ADAMTS17: variants seen among roughly 807,000 people sequenced by gnomAD.
ADAMTS17 encodes A disintegrin and metalloproteinase with thrombospondin motifs 17.
Under a neutral mutation model 141.5 loss-of-function variants are expected in ADAMTS17, and 113 were observed. The observed-to-expected ratio is 0.80, with a 90% CI of 0.69 to 0.93. The LOEUF is 0.93. ADAMTS17 is among the 40% of genes least tolerant of loss of function. The probability of loss-of-function intolerance (pLI) is 0.00; values close to 1 mark genes in which losing one functional copy is unlikely to be tolerated. For missense variants in ADAMTS17, 1,659 were observed against 1,517.9 expected, an observed-to-expected ratio of 1.09 and a Z score of -1.54; for synonymous variants, 768 against 630.6, an observed-to-expected ratio of 1.22 and a Z score of -3.27.
rs2039633342 is a variant in ADAMTS17 at position 100,160,340 on chromosome 15, T to C, written c.1182-5020A>G. ...CGTGCACTTGGACAAGCTGCTCCCA[T>C]TCTCCCTGGCTGGGATCTCCTGGGC... On this transcript the variant is annotated intron_variant, in intron 8 of 21. Coordinates refer to ENST00000268070, the MANE Select transcript of ADAMTS17 (RefSeq NM_139057.4). Among the ~76,000 whole-genome samples the C allele has an allele frequency of 2.0e-5, 3 of 152,192 alleles. 1 individual carries two copies. In the South Asian group the frequency reaches 6.2e-4, roughly 32 times the overall value.
At chr15:100,039,900 T>G (rs989771474) in intron 18 of ADAMTS17, among the ~76,000 whole-genome samples, 1 of 152,216 alleles carries the variant, frequency 6.6e-6, no homozygotes, top group Non-Finnish European at 1.5e-5. Context: ...GGGTCTCATA[T>G]GTTTATAATT....
chr15:100,131,185 G>T (rs909626827), intron 12 of ADAMTS17, among the ~76,000 whole-genome samples: 2 of 151,748 alleles, frequency 1.3e-5, no homozygotes, highest in Non-Finnish European at 2.9e-5. Flanking sequence ...CAGGGACACA[G>T]AGAGGGAAAC....
At position 100,132,066 on chromosome 15, in the gene ADAMTS17, C is replaced by T. The variant is rs372788885; in HGVS notation, c.1662G>A (p.Met554Ile). The stretch of plus-strand genomic sequence containing the variant: ...CTCCCGTCCCACATGTTCGGCTGCA[C>T]ATGCTCCAGGCGCCCCACGGGCTCC... Reference protein sequence around the residue: ...GDWSPWGAWSMCSRTCGTGAR... With the variant: ...GDWSPWGAWSICSRTCGTGAR... The change falls in exon 12 of 22, where the codon ATG (methionine) becomes ATA (isoleucine). Residue 554 changes from methionine (M) to isoleucine (I), a missense_variant. Transcript: ENST00000268070. 5 of 1,613,608 alleles carry T rather than the reference C, an allele frequency of 3.1e-6. No homozygotes were observed. The highest frequency in any genetic ancestry group is 4.2e-6 in the Non-Finnish European group (5 of 1,179,620).
intron 6 of ADAMTS17, among the ~76,000 whole-genome samples, chr15:100,256,012 G>C (rs904014143): frequency 6.6e-6 from 1 of 152,208 alleles, no homozygotes; most frequent in Non-Finnish European, 1.5e-5. Context: ...TCTGAATCTC[G>C]ATCCTTCCTG....
At chr15:100,232,433 C>T (rs2141852601) in intron 7 of ADAMTS17, among the ~76,000 whole-genome samples, 1 of 152,376 alleles carries the variant, frequency 6.6e-6, no homozygotes, top group South Asian at 2.1e-4. Flanking sequence ...TAGTGCCAGA[C>T]ATGGAATGAA....
chr15:100,154,943 G>C (rs1030572148), intron 9 of ADAMTS17, among the ~76,000 whole-genome samples: 2 of 152,238 alleles, frequency 1.3e-5, no homozygotes, highest in African/African-American at 4.8e-5. Flanking sequence ...GTTGACATTT[G>C]AGTCGATCGG....
intron 18 of ADAMTS17, among the ~76,000 whole-genome samples, chr15:100,037,417 TTTCTTCTTTTTG>T (rs543877008): frequency 0.044 from 6,609 of 151,336 alleles, 284 homozygotes; most frequent in African/African-American, 0.11. Context: ...TTTTTTTTTT[TTTCTTCTTTTTG>T]AGACAGAGTC....
At chr15:100,054,520 G>T (rs1468470287) in intron 15 of ADAMTS17, among the ~76,000 whole-genome samples, 1 of 152,084 alleles carries the variant, frequency 6.6e-6, no homozygotes, top group African/African-American at 2.4e-5. Flanking sequence ...TTACCTACCT[G>T]GGGTTCCAGA....
chr15:100,134,617 A>G (rs2038231018), intron 10 of ADAMTS17, among the ~76,000 whole-genome samples: 1 of 152,230 alleles, frequency 6.6e-6, no homozygotes, highest in Non-Finnish European at 1.5e-5. Context: ...AGTAATCTCA[A>G]ACATCTGCAT....
intron 8 of ADAMTS17, among the ~76,000 whole-genome samples, chr15:100,163,034 A>G (rs28503467): frequency 1.8e-4 from 26 of 143,150 alleles, no homozygotes; most frequent in African/African-American, 6.4e-4. Context: ...ATGTATATAT[A>G]TGTGTATATA....
chr15:100,209,964 C>G (rs943114989), intron 7 of ADAMTS17, among the ~76,000 whole-genome samples: 29 of 152,152 alleles, frequency 1.9e-4, no homozygotes, highest in African/African-American at 6.3e-4. Context: ...CAAGCAATTT[C>G]ATACATTTCC....
chr15:100,057,807 G>A (rs1338124579), intron 15 of ADAMTS17, among the ~76,000 whole-genome samples: 1 of 152,152 alleles, frequency 6.6e-6, no homozygotes, highest in East Asian at 1.9e-4. Context: ...ACAGGAAGAT[G>A]TCCACAGAGA....
intron 7 of ADAMTS17, among the ~76,000 whole-genome samples, chr15:100,224,947 A>G (rs951310893): frequency 8.5e-5 from 13 of 152,320 alleles, no homozygotes; most frequent in East Asian, 3.9e-4. Context: ...TTCCATCTGG[A>G]CCCATGAGCA....
At chr15:100,031,871 G>C (rs1384423541) in intron 18 of ADAMTS17, among the ~76,000 whole-genome samples, 1 of 152,160 alleles carries the variant, frequency 6.6e-6, no homozygotes, top group East Asian at 1.9e-4. Context: ...CTACAAATAA[G>C]TTCCTGACAA....
At chr15:100,234,700 CG>C (rs1325858196) in intron 7 of ADAMTS17, among the ~76,000 whole-genome samples, 1 of 152,206 alleles carries the variant, frequency 6.6e-6, no homozygotes, top group African/African-American at 2.4e-5. Context: ...GCAGAGGAAA[CG>C]CTGCAACCAG....
intron 4 of ADAMTS17, among the ~76,000 whole-genome samples, chr15:100,272,346 C>T (rs953433500): frequency 2.6e-5 from 4 of 151,990 alleles, no homozygotes; most frequent in African/African-American, 9.7e-5. Context: ...GATGGCTTTC[C>T]ATTTATGTCT....
chr15:100,179,290 T>A (rs1567309197), intron 8 of ADAMTS17, among the ~76,000 whole-genome samples: 1 of 152,182 alleles, frequency 6.6e-6, no homozygotes, highest in Admixed American at 6.5e-5. Flanking sequence ...TTGTTTTAAT[T>A]TTTAGCTCCA....
chr15:100,180,539 T>G lies in ADAMTS17; in HGVS notation c.1181+18779A>C, dbSNP rs548788950. Among the ~76,000 whole-genome samples the G allele has an allele frequency of 2.6e-5, 4 of 152,328 alleles. No homozygotes were observed. The South Asian group carries it at 6.2e-4, about 24-fold the overall frequency. On this transcript the variant is annotated intron_variant, in intron 8 of 21. Transcript: ENST00000268070. ...TTCCATATAAATTTTAGGATTTTTT[T>G]TCTATCTCTGTGAAGAATGTCATTG...
intron 4 of ADAMTS17, among the ~76,000 whole-genome samples, chr15:100,277,940 T>C (rs2142064403): frequency 6.6e-6 from 1 of 152,208 alleles, no homozygotes; most frequent in East Asian, 1.9e-4. Flanking sequence ...GTACGTGCAA[T>C]GGGATACTAC....
Sources: gnomAD v4.1 joint callset for allele counts (sites outside exome capture counted in the v4.1 genomes callset) on GRCh38, gnomAD v4.1.1 for gene constraint, MANE v1.5 for transcripts, NCBI Gene and HGNC (gene_info 2026-07-23, HGNC 2026-07-21) for gene names.